CTNNA3: variants seen among roughly 807,000 people sequenced by gnomAD.
CTNNA3 encodes catenin alpha 3, also known as catenin alpha-3.
In CTNNA3, 76 loss-of-function variants were observed where a neutral mutation model predicts 95.7. The ratio of observed to expected loss-of-function variants is 0.79; its 90% CI spans 0.66 to 0.96. The LOEUF (loss-of-function observed/expected upper bound fraction) is 0.96. CTNNA3 is among the 40% of genes least tolerant of loss of function. CTNNA3 has a pLI of 0.00. For missense variants in CTNNA3, 1,191 were observed against 1,089.8 expected (o/e 1.09, Z -1.31); for synonymous variants, 431 against 374.4 (o/e 1.15, Z -1.74).
chr10:66,585,098 T>G (rs930001870), intron 10 of CTNNA3, among the ~76,000 whole-genome samples: 4 of 152,072 alleles, frequency 2.6e-5, no homozygotes, highest in African/African-American at 4.8e-5. Flanking sequence ...TGCTTTTATT[T>G]TACTGCTCTT....
chr10:66,723,678 TTG>T (rs992994350), intron 9 of CTNNA3, among the ~76,000 whole-genome samples: 53 of 152,262 alleles, frequency 3.5e-4, no homozygotes, highest in African/African-American at 9.4e-4. Flanking sequence ...ATAGCCTGTG[TTG>T]TCTCTTAACT....
rs555195159 is a variant in CTNNA3, at chr10:66,287,473, G to A, written c.1733-6852C>T. On this transcript the variant is annotated intron_variant, in intron 12 of 17. Transcript: ENST00000433211. ...GTAAGAATTCAAAATTAGGCACTCA[G>A]ACTCAGAGCCTGTGCCCATAGCCAC... Among the ~76,000 whole-genome samples, 13 of 152,142 alleles carry A rather than the reference G, an allele frequency of 8.5e-5. No individual in the cohort carries two copies. In the South Asian group the frequency reaches 2.7e-3, roughly 32 times the overall value.
chr10:66,916,652 A>G (rs968471256), intron 7 of CTNNA3, among the ~76,000 whole-genome samples: 3 of 152,190 alleles, frequency 2.0e-5, no homozygotes, highest in African/African-American at 4.8e-5. Context: ...TGATAAGTGG[A>G]AAAATGTCCA....
intron 9 of CTNNA3, among the ~76,000 whole-genome samples, chr10:66,646,050 A>G (rs1171791423): frequency 1.3e-5 from 2 of 152,140 alleles, no homozygotes; most frequent in African/African-American, 4.8e-5. Context: ...TTCATTGTAA[A>G]TTTAGACCAC....
At chr10:66,252,025 A>G (rs2090573454) in intron 13 of CTNNA3, among the ~76,000 whole-genome samples, 1 of 152,196 alleles carries the variant, frequency 6.6e-6, no homozygotes, top group African/African-American at 2.4e-5. Flanking sequence ...AAATATGAAA[A>G]CCATCAATTT....
chr10:67,405,994 C>G (rs995468504), intron 5 of CTNNA3, among the ~76,000 whole-genome samples: 8 of 152,168 alleles, frequency 5.3e-5, no homozygotes, highest in Admixed American at 5.2e-4. Flanking sequence ...TGGGAGGAAC[C>G]TGGTGGGAAG....
At chr10:67,076,523 T>A (rs1311226132) in intron 7 of CTNNA3, among the ~76,000 whole-genome samples, 1 of 152,216 alleles carries the variant, frequency 6.6e-6, no homozygotes, top group Non-Finnish European at 1.5e-5. Context: ...CTTCTTCTTA[T>A]AAAGTAAGTC....
At chr10:66,748,651 A>AAT (rs2132719865) in intron 9 of CTNNA3, among the ~76,000 whole-genome samples, 1 of 152,332 alleles carries the variant, frequency 6.6e-6, no homozygotes, top group East Asian at 1.9e-4. Context: ...TTGTTAAATG[A>AAT]ATAAACCAAT....
At chr10:65,994,254 T>C (rs2133344046) in intron 15 of CTNNA3, among the ~76,000 whole-genome samples, 1 of 152,336 alleles carries the variant, frequency 6.6e-6, no homozygotes, top group African/African-American at 2.4e-5. Flanking sequence ...TTTCCTGTGT[T>C]TTCATGATAA....
intron 5 of CTNNA3, among the ~76,000 whole-genome samples, chr10:67,300,449 T>C (rs76155958): frequency 0.025 from 3,742 of 152,272 alleles, 154 homozygotes; most frequent in African/African-American, 0.084. Context: ...ATGCATATTA[T>C]AGTGCTTTCA....
At chr10:66,676,873 G>A (rs1846875472) in intron 9 of CTNNA3, among the ~76,000 whole-genome samples, 1 of 152,074 alleles carries the variant, frequency 6.6e-6, no homozygotes, top group South Asian at 2.1e-4. Flanking sequence ...TCATAAATGT[G>A]TTGCATGTCA....
At chr10:66,528,718 G>A (rs1841356913) in intron 10 of CTNNA3, among the ~76,000 whole-genome samples, 1 of 152,128 alleles carries the variant, frequency 6.6e-6, no homozygotes, top group Non-Finnish European at 1.5e-5. Context: ...ATCGGATCAT[G>A]ATAGAACCAA....
In CTNNA3 at chr10:66,468,138, C is replaced by A. The variant is rs577851495; in HGVS notation, c.1531+52479G>T. ...GAAATTCTTATTTGTTGTTGGCTGTCCGAAGGAGCATGTTTAGGTCACTTA... is the reference window on the plus strand; with the variant it reads ...GAAATTCTTATTTGTTGTTGGCTGTACGAAGGAGCATGTTTAGGTCACTTA... On this transcript the variant is annotated intron_variant, in intron 11 of 17. Coordinates refer to ENST00000433211, the MANE Select transcript of CTNNA3 (RefSeq NM_013266.4). Among the ~76,000 whole-genome samples the A allele has an allele frequency of 5.9e-5, 9 of 152,030 alleles. 1 individual carries two copies. In the South Asian group the frequency reaches 1.9e-3, roughly 32 times the overall value.
chr10:66,358,072 G>A (rs1236541018), intron 12 of CTNNA3, among the ~76,000 whole-genome samples: 2 of 152,040 alleles, frequency 1.3e-5, no homozygotes, highest in South Asian at 2.1e-4. Context: ...TCCTTTTAGT[G>A]TCCATGGTTC....
chr10:67,752,498 G>A (rs1841412729), intron 1 of CTNNA3, among the ~76,000 whole-genome samples: 1 of 152,144 alleles, frequency 6.6e-6, no homozygotes. Flanking sequence ...GGCAAGAGAA[G>A]GAAATAAAAG....
intron 9 of CTNNA3, among the ~76,000 whole-genome samples, chr10:66,725,074 C>T (rs949992690): frequency 1.3e-5 from 2 of 152,072 alleles, no homozygotes; most frequent in African/African-American, 4.8e-5. Flanking sequence ...TAATTTATAA[C>T]TCAATGTATG....
intron 15 of CTNNA3, among the ~76,000 whole-genome samples, chr10:66,051,750 C>T (rs900691799): frequency 6.6e-6 from 1 of 152,138 alleles, no homozygotes; most frequent in Admixed American, 6.5e-5. Flanking sequence ...TTCTTGCAGA[C>T]TATCAATTCT....
At chr10:66,517,186 AC>A (rs1840892185) in intron 11 of CTNNA3, among the ~76,000 whole-genome samples, 1 of 152,232 alleles carries the variant, frequency 6.6e-6, no homozygotes, top group East Asian at 1.9e-4. Context: ...GCGCCACTGC[AC>A]TCAAGCCTGG....
At chr10:67,191,761 T>A (rs1028064505) in intron 6 of CTNNA3, among the ~76,000 whole-genome samples, 1 of 151,888 alleles carries the variant, frequency 6.6e-6, no homozygotes, top group Non-Finnish European at 1.5e-5. Context: ...CTAACATTCA[T>A]ATAAAACCAC....
Sources: allele counts gnomAD v4.1 joint callset (sites outside exome capture counted in the v4.1 genomes callset), GRCh38; gene constraint gnomAD v4.1.1; transcripts MANE v1.5; gene names NCBI Gene and HGNC (gene_info 2026-07-23, HGNC 2026-07-21).